KLHL30: variants seen among roughly 807,000 people sequenced by gnomAD.
KLHL30 encodes the protein kelch like family member 30, also known as kelch-like protein 30.
A neutral mutation model predicts 55.0 loss-of-function variants in KLHL30; 55 were observed. That is an observed-to-expected ratio of 1.00 (90% CI 0.80 to 1.25). The LOEUF is 1.25. Among genes scored for constraint, KLHL30 ranks in the 50% most tolerant of loss-of-function variants. The pLI, the probability that KLHL30 is intolerant of heterozygous loss-of-function variation, is 0.00. For synonymous variants in KLHL30, 356 were observed against 372.6 expected, an observed-to-expected ratio of 0.96 and a Z score of 0.51; for missense variants, 786 against 811.6, an observed-to-expected ratio of 0.97 and a Z score of 0.38.
intron 7 of KLHL30, 21 bp from the exon 8 acceptor site, chr2:238,150,793 T>C (rs552862880): frequency 2.6e-6 from 4 of 1,560,976 alleles, no homozygotes; most frequent in East Asian, 2.4e-5. Flanking sequence ...CACCGGACGC[T>C]AACCCGCTGA....
In KLHL30 at chr2:238,142,899, T is replaced by G. The variant is rs749537641; in HGVS notation, c.875T>G (p.Leu292Arg). The G allele has an allele frequency of 1.4e-5, 21 of 1,503,054 alleles. No individual in the cohort carries two copies. The highest frequency in any genetic ancestry group is 1.7e-5 in the Non-Finnish European group (19 of 1,138,338). The allele number at this position is 1,503,054 out of a possible 1,614,324, so 93.1% of individuals were successfully genotyped here. The change falls in exon 3 of 8, where the codon CTT becomes CGT. Residue 292 changes from leucine (L) to arginine (R), a missense_variant. Coordinates refer to ENST00000409223, the MANE Select transcript of KLHL30 (RefSeq NM_198582.4). The stretch of plus-strand genomic sequence containing the variant: ...GCAGGTGAGGAGCCCACCCCCGGCC[T>G]TGGGAACTTTGCCTTCTACAACAGC... Reference protein sequence around the residue: ...EEAGEEPTPGLGNFAFYNSKA... With the variant: ...EEAGEEPTPGRGNFAFYNSKA...
At position 238,144,966 on chromosome 2, in the gene KLHL30, GAAC is replaced by G. The variant is rs773479786; in HGVS notation, c.980_982del (p.Asn327del). 1.2e-4 allele frequency: 188 copies of G among 1,608,592 alleles called. No individual in the cohort carries two copies. Among genetic ancestry groups the G allele is most frequent in the Non-Finnish European group, 1.5e-4 (174 of 1,177,674 alleles). On this transcript the variant is annotated inframe_deletion, in exon 4 of 8. Transcript: ENST00000409223. ...AGTGGGGTTTCTCCCTGGCGGCCCT[GAAC>G]AACAACATCTATGTCACAGGTGGGC...
At chr2:238,140,536 A>T (rs1000503421) in intron 1 of KLHL30, 149 bp from the exon 2 acceptor site, 4 of 526,672 alleles carry the variant, frequency 7.6e-6, no homozygotes, top group African/African-American at 5.8e-5. Flanking sequence ...GGGTGGCTTG[A>T]GGCAGATGGG....
chr2:238,144,786 A>C, intron 3 of KLHL30, 116 bp from the exon 4 acceptor site: 1 of 773,380 alleles, frequency 1.3e-6, no homozygotes, highest in Non-Finnish European at 2.2e-6. Context: ...TTTCCCCACC[A>C]GTGAGGGGGG....
rs749748643 is a variant in KLHL30 at position 238,151,103 on chromosome 2, G to A, written c.*38G>A. On this transcript the variant is annotated 3_prime_UTR_variant, in exon 8 of 8. Transcript: ENST00000409223. ...GTCCCCGGGGAGGAGTCCCCACAGC[G>A]GCCCCTCATCAGCCTGTGGAACGGC... 1.9e-5 allele frequency: 29 copies of A among 1,554,860 alleles called. No homozygotes were observed. Among genetic ancestry groups the A allele is most frequent in the Admixed American group, 1.3e-4 (7 of 53,734 alleles).
chr2:238,150,987 G>C lies in KLHL30; in HGVS notation c.1659G>C (p.Trp553Cys). 1 of 1,589,694 alleles carries C rather than the reference G, an allele frequency of 6.3e-7. No individual in the cohort carries two copies. ...WTRHGALPRL[W>C]LYHGASTVFL... The stretch of plus-strand genomic sequence containing the variant: ...GCCACGGCGCCCTGCCCCGGCTCTG[G>C]CTCTACCACGGGGCCTCCACCGTCT... Residue 553 changes from tryptophan (W) to cysteine (C), a missense_variant, in exon 8 of 8, where the codon TGG (tryptophan) becomes TGC (cysteine). Coordinates refer to ENST00000409223, the MANE Select transcript of KLHL30 (RefSeq NM_198582.4).
In KLHL30 at chr2:238,147,187, G is replaced by T. The variant is rs7602358; in HGVS notation, c.1151-647G>T. ...AAAGAAAAGAAAAACAAAACACATGGGGCCCAAAAGCTCTGTAGGTGATGA... is the reference window on the plus strand; with the variant it reads ...AAAGAAAAGAAAAACAAAACACATGTGGCCCAAAAGCTCTGTAGGTGATGA... On this transcript the variant is annotated intron_variant, in intron 5 of 7. Coordinates refer to ENST00000409223, the MANE Select transcript of KLHL30 (RefSeq NM_198582.4). The surrounding 1 kb of genome is among the most constrained non-coding windows in gnomAD (Gnocchi z 5.8). Among the ~76,000 whole-genome samples, 125,268 of 151,456 alleles carry T rather than the reference G, an allele frequency of 0.83. 52,290 individuals are homozygous for T. The highest frequency in any genetic ancestry group is 0.95 in the African/African-American group (39,139 of 41,298).
chr2:238,139,261 C>T (rs1289035888), intron 1 of KLHL30, among the ~76,000 whole-genome samples: 32 of 152,196 alleles, frequency 2.1e-4, no homozygotes, highest in Admixed American at 2.0e-3. Flanking sequence ...ACAACAATGA[C>T]GGGAATGTGA....
chr2:238,143,414 G>C (rs1692578550), intron 3 of KLHL30, among the ~76,000 whole-genome samples: 1 of 152,260 alleles, frequency 6.6e-6, no homozygotes, highest in Non-Finnish European at 1.5e-5. Flanking sequence ...CCTCAAACAG[G>C]TGACCTCACC....
rs746682087 is a variant in KLHL30 at position 238,141,329 on chromosome 2, C to T, written c.575C>T (p.Pro192Leu). The change falls in exon 2 of 8, where the codon CCG (proline) becomes CTG (leucine). Residue 192 changes from proline (P) to leucine (L), a missense_variant. By Grantham distance (98) the Pro-to-Leu change is moderately conservative. Transcript: ENST00000409223. ...CLAGDLLQVQ[P>L]EQSRLEALMR... ...GCCGGCGACCTGCTGCAGGTACAGC[C>T]GGAGCAAAGCCGACTCGAGGCCCTG... is the stretch of plus-strand genomic sequence containing the variant. The T allele has an allele frequency of 3.7e-5, 59 of 1,596,508 alleles. No individual in the cohort carries two copies. The highest frequency in any genetic ancestry group is 1.6e-4 in the East Asian group (7 of 44,674).
Position 238,150,805 on chromosome 2 carries a change from C to T in KLHL30, c.1486-9C>T, listed in dbSNP as rs1033191724. The T allele has an allele frequency of 7.0e-6, 11 of 1,573,908 alleles. No individual in the cohort carries two copies. The highest frequency in any genetic ancestry group is 1.9e-4 in the Middle Eastern group (1 of 5,386). ...GCCCACCGGACGCTAACCCGCTGAC[C>T]GTGCACAGGTGCAGTCACAGCACAG... On this transcript the variant is annotated splice_polypyrimidine_tract_variant and intron_variant, in intron 7 of 7. Coordinates refer to ENST00000409223, the MANE Select transcript of KLHL30 (RefSeq NM_198582.4).
chr2:238,142,296 G>C (rs572978306), intron 2 of KLHL30, among the ~76,000 whole-genome samples: 11 of 152,338 alleles, frequency 7.2e-5, no homozygotes, highest in Admixed American at 2.0e-4. Flanking sequence ...GCCAGTCACA[G>C]AGCGCCCGGC....
chr2:238,145,769 A>T lies in KLHL30; in HGVS notation c.1087A>T (p.Met363Leu), dbSNP rs763144178. 6.2e-7 allele frequency: 1 copy of T among 1,606,866 alleles called. No homozygotes were observed. Among genetic ancestry groups the T allele is most frequent in the East Asian group, 2.2e-5 (1 of 44,720 alleles). ...KEASWKPVAP[M>L]LKPRTNHASA... The stretch of plus-strand genomic sequence containing the variant: ...GGCCTCCTGGAAGCCCGTGGCGCCC[A>T]TGCTGAAGCCCCGCACCAACCACGC... The change falls in exon 5 of 8, where the codon ATG becomes TTG. Residue 363 changes from methionine (M) to leucine (L), a missense_variant. Transcript: ENST00000409223.
chr2:238,150,226 G>A (rs1013869648), intron 7 of KLHL30, among the ~76,000 whole-genome samples: 9 of 152,272 alleles, frequency 5.9e-5, no homozygotes, highest in African/African-American at 2.2e-4. Flanking sequence ...CCCTCTCCAG[G>A]CCTGGGTCCT....
At chr2:238,143,323 G>A (rs1242894280) in intron 3 of KLHL30, among the ~76,000 whole-genome samples, 2 of 152,214 alleles carry the variant, frequency 1.3e-5, no homozygotes, top group African/African-American at 4.8e-5. Context: ...GGAGAGTGGG[G>A]TGGGGGGTGA....
At position 238,141,445 on chromosome 2, in the gene KLHL30, T is replaced by C. The variant is rs1692539856; in HGVS notation, c.691T>C (p.Cys231Arg). 6 of 1,542,602 alleles carry C rather than the reference T, an allele frequency of 3.9e-6. No homozygotes were observed. The highest frequency in any genetic ancestry group is 4.3e-6 in the Non-Finnish European group (5 of 1,150,124). The change falls in exon 2 of 8, where the codon TGC becomes CGC. Residue 231 changes from cysteine (C) to arginine (R), a missense_variant. Transcript: ENST00000409223. The part of the protein sequence containing the change: ...LVHLDAVPRP[C>R]VQQLLASEPL... ...GCACCTGGACGCCGTGCCCAGGCCCTGCGTGCAGCAACTGCTGGCCTCAGA... is the reference window on the plus strand; with the variant it reads ...GCACCTGGACGCCGTGCCCAGGCCCCGCGTGCAGCAACTGCTGGCCTCAGA...
chr2:238,149,289 A>G (rs1692707499), intron 7 of KLHL30, 137 bp downstream of exon 7: 2 of 1,230,536 alleles, frequency 1.6e-6, no homozygotes, highest in Admixed American at 2.3e-5. Context: ...GGGTGCCCAC[A>G]GAGGGCCCAC....
chr2:238,143,016 A>G lies in KLHL30; in HGVS notation c.907+85A>G, dbSNP rs560104826. On this transcript the variant is annotated intron_variant, in intron 3 of 7. Transcript: ENST00000409223. ...TGTGTCCTCCTTGCAGGTGGAGCGC[A>G]TGAGGCTCGCAGAGGACCGGGAGCT... The G allele has an allele frequency of 1.7e-5, 24 of 1,401,802 alleles. No homozygotes were observed. In the South Asian group the frequency reaches 4.0e-4, roughly 23 times the overall value. 86.8% of individuals were successfully genotyped at this position (1,401,802 alleles called of 1,614,324 possible).
rs1692637480 is a variant in KLHL30 at position 238,145,803 on chromosome 2, C to G, written c.1121C>G (p.Ala374Gly). 1 of 1,607,732 alleles carries G rather than the reference C, an allele frequency of 6.2e-7. No homozygotes were observed. The highest frequency in any genetic ancestry group is 8.5e-7 in the Non-Finnish European group (1 of 1,177,876). The change falls in exon 5 of 8, where the codon GCC becomes GGC. Residue 374 changes from alanine to glycine, a missense_variant. Transcript: ENST00000409223. ...CCCCGCACCAACCACGCCAGCGCGG[C>G]CCTCAATGGGGAGATCTACGTTATC... ...LKPRTNHASA[A>G]LNGEIYVIGG... is the part of the protein sequence containing the mutation.
Sources: gnomAD v4.1 joint callset for allele counts (sites outside exome capture counted in the v4.1 genomes callset) on GRCh38, gnomAD v4.1.1 for gene constraint, Gnocchi (gnomAD v3.1) non-coding constraint, MANE v1.5 for transcripts, NCBI Gene and HGNC (gene_info 2026-07-23, HGNC 2026-07-21) for gene names.